ZNF30: variants seen among roughly 807,000 people sequenced by gnomAD.
The protein encoded by ZNF30 is zinc finger protein 30 (KOX 28).
In ZNF30, 15 loss-of-function variants were observed where a neutral mutation model predicts 13.2. The ratio of observed to expected loss-of-function variants is 1.13; its 90% CI spans 0.76 to 1.75. The LOEUF (loss-of-function observed/expected upper bound fraction) is 1.75, where lower values mean the gene tolerates loss of function less well. ZNF30 is among the 40% of genes most tolerant of loss of function. ZNF30 has a pLI of 0.00. For missense variants in ZNF30, 726 were observed against 757.0 expected (o/e 0.96, Z 0.48); for synonymous variants, 223 against 256.6 (o/e 0.87, Z 1.25).
Position 34,944,898 on chromosome 19 carries a change from A to C in ZNF30, c.*60A>C. 1.4e-6 allele frequency: 2 copies of C among 1,456,040 alleles called. No homozygotes were observed. Among genetic ancestry groups the C allele is most frequent in the Non-Finnish European group, 1.8e-6 (2 of 1,093,886 alleles). The allele number at this position is 1,456,040 out of a possible 1,614,324, so 90.2% of individuals were successfully genotyped here. On this transcript the variant is annotated 3_prime_UTR_variant, in exon 5 of 5. Transcript: ENST00000601142. The stretch of plus-strand genomic sequence containing the variant: ...GCTCAAACATTGTTGAACATCGGGG[A>C]ATTTATGCTGGTAGGAAACTTTCAA...
chr19:34,942,520 A>T (rs1328252149), intron 4 of ZNF30: 3 of 618,142 alleles, frequency 4.9e-6, no homozygotes, highest in Non-Finnish European at 7.0e-6. Context: ...AAGTAAAGAC[A>T]TGGACGTCCT....
At position 34,927,033 on chromosome 19, in the gene ZNF30, G is replaced by C. The variant is rs1285626760; in HGVS notation, c.-248G>C. On this transcript the variant is annotated 5_prime_UTR_variant, in exon 1 of 5. Coordinates refer to ENST00000601142, the MANE Select transcript of ZNF30 (RefSeq NM_194325.3). ...GGCCACTGGAACGACCTCAATCTCT[G>C]CCTCCTCGCCAGTTCATTGTGGTCG... is the stretch of plus-strand genomic sequence containing the variant. 2.5e-6 allele frequency: 1 copy of C among 398,588 alleles called. No individual in the cohort carries two copies. Among genetic ancestry groups the C allele is most frequent in the Non-Finnish European group, 4.4e-6 (1 of 226,008 alleles). 24.7% of individuals were successfully genotyped at this position (398,588 alleles called of 1,614,324 possible). A position where few individuals can be genotyped will look rare whatever the true frequency, so the allele number is the denominator to read the frequency against.
chr19:34,944,917 C>T lies in ZNF30; in HGVS notation c.*79C>T. ...TCGGGGAATTTATGCTGGTAGGAAACTTTCAAATGTGAAGAATATTGGCAG... is the reference window on the plus strand; with the variant it reads ...TCGGGGAATTTATGCTGGTAGGAAATTTTCAAATGTGAAGAATATTGGCAG... On this transcript the variant is annotated 3_prime_UTR_variant, in exon 5 of 5. Transcript: ENST00000601142. 1.5e-6 allele frequency: 2 copies of T among 1,348,602 alleles called. No individual in the cohort carries two copies. Among genetic ancestry groups the T allele is most frequent in the Middle Eastern group, 3.9e-4 (2 of 5,154 alleles). 83.5% of individuals were successfully genotyped at this position (1,348,602 alleles called of 1,614,324 possible). A position where few individuals can be genotyped will look rare whatever the true frequency, so the allele number is the denominator to read the frequency against.
At chr19:34,937,047 T>C (rs760601371) in intron 4 of ZNF30, among the ~76,000 whole-genome samples, 5 of 152,038 alleles carry the variant, frequency 3.3e-5, no homozygotes, top group Non-Finnish European at 5.9e-5. Context: ...GTTTCACTCT[T>C]GTTGCCCAGG....
At chr19:34,924,484 C>T (rs760421673), upstream of ZNF30, among the ~76,000 whole-genome samples, 1 of 152,104 alleles carries the variant, frequency 6.6e-6, no homozygotes, top group Non-Finnish European at 1.5e-5. Flanking sequence ...TTACACATCC[C>T]CATCTCAGAG....
At position 34,944,376 on chromosome 19, in the gene ZNF30, T is replaced by C. The variant is rs2013222666; in HGVS notation, c.1410T>C (p.His470=). The part of the protein sequence containing the change: ...ECGKAFRVHV[H]LTQHRKIHTD... Reference sequence around the variant, plus strand: ...GCAAGGCCTTCAGAGTGCACGTACATCTCACACAGCATCGGAAAATTCATA... The same window carrying C: ...GCAAGGCCTTCAGAGTGCACGTACACCTCACACAGCATCGGAAAATTCATA... The change falls in exon 5 of 5, where the codon CAT becomes CAC. Residue 470 remains histidine, a synonymous_variant. Transcript: ENST00000601142. The C allele has an allele frequency of 3.0e-5, 48 of 1,613,732 alleles. No homozygotes were observed. The highest frequency in any genetic ancestry group is 3.9e-5 in the Non-Finnish European group (46 of 1,179,928).
intron 4 of ZNF30, among the ~76,000 whole-genome samples, chr19:34,938,324 G>C (rs1228515354): frequency 6.6e-6 from 1 of 152,116 alleles, no homozygotes; most frequent in Non-Finnish European, 1.5e-5. Flanking sequence ...GGGGGACACT[G>C]TTCAAACCAA....
upstream of ZNF30, among the ~76,000 whole-genome samples, chr19:34,926,115 A>G (rs1260215681): frequency 6.6e-6 from 1 of 152,200 alleles, no homozygotes; most frequent in Admixed American, 6.5e-5. Context: ...CAGAGGTTAC[A>G]GTAAGCCGAG....
chr19:34,929,818 G>T, intron 1 of ZNF30, 66 bp from the exon 2 acceptor site: 1 of 815,368 alleles, frequency 1.2e-6, no homozygotes, highest in South Asian at 2.0e-5. Context: ...GAAGGGACAG[G>T]AAGGTTTATT....
chr19:34,929,985 G>C (rs1266880533), intron 2 of ZNF30, 29 bp downstream of exon 2: 1 of 1,596,162 alleles, frequency 6.3e-7, no homozygotes, highest in East Asian at 2.2e-5. Flanking sequence ...TTGAAATATG[G>C]GGATTTTTAT....
At chr19:34,936,057 G>A (rs565893468) in intron 4 of ZNF30, among the ~76,000 whole-genome samples, 9 of 152,240 alleles carry the variant, frequency 5.9e-5, no homozygotes, top group East Asian at 1.9e-4. Context: ...GGGGGAAACC[G>A]CCCCCATGAT....
At chr19:34,925,579 T>C (rs573329040), upstream of ZNF30, among the ~76,000 whole-genome samples, 25 of 152,130 alleles carry the variant, frequency 1.6e-4, no homozygotes, top group Admixed American at 7.9e-4. Context: ...AGAGTATTTA[T>C]AGGGACAGGA....
intron 1 of ZNF30, among the ~76,000 whole-genome samples, chr19:34,928,219 AAATATATATATAT>A (rs1406473488): frequency 3.2e-5 from 2 of 62,922 alleles, no homozygotes; most frequent in African/African-American, 2.1e-4. Context: ...AAAAAAAAAA[AAATATATATATAT>A]ATATATATAT....
Position 34,933,635 on chromosome 19 carries a change from C to G in ZNF30, c.168C>G (p.Ser56=), listed in dbSNP as rs778196076. ...NYRNLVSMGH[S]RSKPHVIALL... ...TTCTTATCTCATAAGCAGGACATTC[C>G]CGTTCTAAACCACATGTGATCGCCT... is the stretch of plus-strand genomic sequence containing the variant. The change falls in exon 4 of 5, where the codon TCC becomes TCG. Residue 56 remains serine (S), a synonymous_variant. Coordinates refer to ENST00000601142, the MANE Select transcript of ZNF30 (RefSeq NM_194325.3). 1 of 1,596,144 alleles carries G rather than the reference C, an allele frequency of 6.3e-7. No homozygotes were observed. Among genetic ancestry groups the G allele is most frequent in the Non-Finnish European group, 8.5e-7 (1 of 1,170,760 alleles).
At chr19:34,924,884 T>G (rs1386194478), upstream of ZNF30, among the ~76,000 whole-genome samples, 2 of 152,116 alleles carry the variant, frequency 1.3e-5, no homozygotes, top group Non-Finnish European at 2.9e-5. Flanking sequence ...ACAAAGCAGA[T>G]GAACATTTTT....
chr19:34,926,810 G>T (rs1415112491), upstream of ZNF30: 2 of 395,812 alleles, frequency 5.1e-6, no homozygotes, highest in Non-Finnish European at 8.9e-6. Flanking sequence ...CCCCAGCTTC[G>T]AGGTCTATGG....
At chr19:34,939,795 T>G (rs749236350) in intron 4 of ZNF30, among the ~76,000 whole-genome samples, 3 of 152,230 alleles carry the variant, frequency 2.0e-5, no homozygotes, top group Non-Finnish European at 4.4e-5. Context: ...CTATTTAGTC[T>G]TTCTTTTTTC....
At position 34,944,472 on chromosome 19, in the gene ZNF30, T is replaced by C. The variant is rs758067915; in HGVS notation, c.1506T>C (p.His502=). Residue 502 remains histidine, a synonymous_variant, in exon 5 of 5, where the codon CAT becomes CAC. Coordinates refer to ENST00000601142, the MANE Select transcript of ZNF30 (RefSeq NM_194325.3). The part of the protein sequence containing the change: ...TFSRASYLVQ[H]SRIHTGKKPY... ...GTCGAGCCTCGTACCTTGTACAACA[T>C]AGCAGAATCCATACTGGTAAGAAGC... 5 of 1,613,628 alleles carry C rather than the reference T, an allele frequency of 3.1e-6. No individual in the cohort carries two copies. The South Asian group carries it at 5.5e-5, about 18-fold the overall frequency.
chr19:34,933,786 G>A lies in ZNF30; in HGVS notation c.256+63G>A, dbSNP rs561551901. The A allele has an allele frequency of 7.1e-6, 8 of 1,129,670 alleles. No homozygotes were observed. The East Asian group carries it at 1.8e-4, about 26-fold the overall frequency. 70.0% of individuals were successfully genotyped at this position (1,129,670 alleles called of 1,614,324 possible). ...CTGGAAACAGCCCAGCTGTCAGGGA[G>A]GAAGTGCATCTCTGCAATGTTTGGA... On this transcript the variant is annotated intron_variant, in intron 4 of 4. Coordinates refer to ENST00000601142, the MANE Select transcript of ZNF30 (RefSeq NM_194325.3).
Sources: allele counts gnomAD v4.1 joint callset (sites outside exome capture counted in the v4.1 genomes callset), GRCh38; gene constraint gnomAD v4.1.1; transcripts MANE v1.5; gene names NCBI Gene and HGNC (gene_info 2026-07-23, HGNC 2026-07-21).